EIF2AK3: variants seen among roughly 807,000 people sequenced by gnomAD.
The protein encoded by EIF2AK3 is eukaryotic translation initiation factor 2 alpha kinase 3.
Under a neutral mutation model 113.5 loss-of-function variants are expected in EIF2AK3, and 50 were observed. The ratio of observed to expected loss-of-function variants is 0.44; its 90% CI spans 0.35 to 0.56. The LOEUF is 0.56. Ranked by LOEUF, EIF2AK3 falls within the 20% of genes least tolerant of loss-of-function variation. EIF2AK3 has a pLI of 0.00. For missense variants in EIF2AK3, 1,185 were observed against 1,378.0 expected, an observed-to-expected ratio of 0.86 and a Z score of 2.22; for synonymous variants, 448 against 495.4, an observed-to-expected ratio of 0.90 and a Z score of 1.27.
intron 2 of EIF2AK3, among the ~76,000 whole-genome samples, chr2:88,601,861 T>TA (rs1277167218): frequency 6.7e-5 from 10 of 148,324 alleles, no homozygotes; most frequent in African/African-American, 2.3e-4. Context: ...TTTTTGCTTT[T>TA]CTTTTTTTGA....
At chr2:88,561,325 G>C (rs188279217) in intron 15 of EIF2AK3, among the ~76,000 whole-genome samples, 15 of 150,848 alleles carry the variant, frequency 9.9e-5, no homozygotes, top group Middle Eastern at 3.4e-3. Context: ...GCAGTGGCGC[G>C]ATCTCTGCTC....
intron 1 of EIF2AK3, among the ~76,000 whole-genome samples, chr2:88,620,617 T>G (rs780721101): frequency 1.3e-5 from 2 of 152,268 alleles, no homozygotes; most frequent in Non-Finnish European, 2.9e-5. Flanking sequence ...GTAGGGGTCC[T>G]GGAGCCCTGG....
upstream of EIF2AK3, chr2:88,627,877 G>A (rs1675917129): frequency 6.6e-6 from 1 of 152,048 alleles, no homozygotes; most frequent in East Asian, 1.9e-4. Flanking sequence ...CTACGTGGCG[G>A]ATTCTGACTG....
rs566226789 is a variant in EIF2AK3, at chr2:88,575,175, C to G, written c.2308G>C (p.Asp770His). Residue 770 changes from aspartate (D) to histidine (H), a missense_variant, in exon 13 of 17, where the codon GAT becomes CAT. Transcript: ENST00000303236. ...CCATCCATAGTCCCATCTTCCACAT[C>G]ACAGTCTGTAAGGCAACTGTCCTGG... Reference protein sequence around the residue: ...NLQDSCLTDCDVEDGTMDGND... With the variant: ...NLQDSCLTDCHVEDGTMDGND... The G allele has an allele frequency of 9.3e-6, 15 of 1,613,686 alleles. No individual in the cohort carries two copies. The East Asian group carries it at 2.9e-4, about 31-fold the overall frequency.
At chr2:88,590,711 C>T (rs935691890) in intron 5 of EIF2AK3, 106 bp from the exon 6 acceptor site, 1 of 1,567,438 alleles carries the variant, frequency 6.4e-7, no homozygotes, top group African/African-American at 1.4e-5. Context: ...GCACAGAGAA[C>T]AAGCTGAGAG....
chr2:88,587,039 T>C lies in EIF2AK3; in HGVS notation c.1429+943A>G, dbSNP rs375020684. ...GGCCAATATGGTGAAACCCCGTCTCTACTAAAAATACAAAAATTAGCTGGG... is the reference window on the plus strand; with the variant it reads ...GGCCAATATGGTGAAACCCCGTCTCCACTAAAAATACAAAAATTAGCTGGG... On this transcript the variant is annotated intron_variant, in intron 8 of 16. Transcript: ENST00000303236. Among the ~76,000 whole-genome samples, 40 of 150,920 alleles carry C rather than the reference T, an allele frequency of 2.7e-4. No individual in the cohort carries two copies. In the South Asian group the frequency reaches 7.1e-3, roughly 27 times the overall value.
In EIF2AK3 at chr2:88,598,283, C is replaced by T. The variant is rs145137521; in HGVS notation, c.439-2620G>A. Among the ~76,000 whole-genome samples, 31 of 152,268 alleles carry T rather than the reference C, an allele frequency of 2.0e-4. No homozygotes were observed. The East Asian group carries it at 6.0e-3, about 29-fold the overall frequency. ...TACCAGAGTCAGCAATGGTGCTAAA[C>T]TGAGGTGGAAACTTTGATGAAGAAC... On this transcript the variant is annotated intron_variant, in intron 2 of 16. Coordinates refer to ENST00000303236, the MANE Select transcript of EIF2AK3 (RefSeq NM_004836.7).
intron 14 of EIF2AK3, among the ~76,000 whole-genome samples, chr2:88,565,849 A>G (rs540700413): frequency 6.6e-6 from 1 of 152,052 alleles, no homozygotes; most frequent in South Asian, 2.1e-4. Flanking sequence ...TCCTTTCACC[A>G]CCCCTTGGCC....
chr2:88,601,257 G>A (rs951477286), intron 2 of EIF2AK3, among the ~76,000 whole-genome samples: 5 of 152,214 alleles, frequency 3.3e-5, no homozygotes, highest in African/African-American at 1.2e-4. Context: ...ATGTCCCACA[G>A]TCAGGATTCT....
chr2:88,598,896 T>C (rs142134119), intron 2 of EIF2AK3, among the ~76,000 whole-genome samples: 27 of 152,240 alleles, frequency 1.8e-4, no homozygotes, highest in African/African-American at 6.5e-4. Context: ...TCCTCAAATA[T>C]TTCAAGAAAA....
intron 1 of EIF2AK3, among the ~76,000 whole-genome samples, chr2:88,622,784 T>A (rs920225158): frequency 7.2e-5 from 11 of 152,150 alleles, no homozygotes; most frequent in African/African-American, 2.7e-4. Flanking sequence ...AGGGTCCTAG[T>A]AGTTAAAAAA....
chr2:88,608,145 C>G (rs1675335590), intron 2 of EIF2AK3, among the ~76,000 whole-genome samples: 1 of 152,162 alleles, frequency 6.6e-6, no homozygotes, highest in African/African-American at 2.4e-5. Context: ...ATTATACAGT[C>G]TATCAAATCC....
chr2:88,626,923 G>A (rs776957675), intron 1 of EIF2AK3, 44 bp downstream of exon 1: 7 of 1,597,896 alleles, frequency 4.4e-6, no homozygotes, highest in Non-Finnish European at 6.0e-6. Flanking sequence ...TCCGCGGCTC[G>A]CGCGCGTAAA....
At position 88,575,410 on chromosome 2, in the gene EIF2AK3, A is replaced by G. The variant is rs747687191; in HGVS notation, c.2073T>C (p.Asp691=). The change falls in exon 13 of 17, where the codon GAT becomes GAC. Residue 691 remains aspartate, a synonymous_variant. Transcript: ENST00000303236. ...DWPLSSPSPM[D]APSVKIRRMD... is the part of the protein sequence containing the mutation. ...TTCTGCGTATTTTAACTGATGGTGC[A>G]TCCATTGGGCTAGGAGAGCTGAGTG... 7 of 1,611,292 alleles carry G rather than the reference A, an allele frequency of 4.3e-6. No individual in the cohort carries two copies. Among genetic ancestry groups the G allele is most frequent in the Admixed American group, 3.3e-5 (2 of 60,014 alleles).
intron 14 of EIF2AK3, 139 bp from the exon 15 acceptor site, chr2:88,562,529 G>A: frequency 1.4e-6 from 1 of 718,828 alleles, no homozygotes; most frequent in Non-Finnish European, 2.4e-6. Context: ...TTAGCAAAGA[G>A]TTAATCTCCC....
Position 88,610,011 on chromosome 2 carries a change from A to G in EIF2AK3, c.438+3713T>C, listed in dbSNP as rs554795251. 8.1e-5 allele frequency among the ~76,000 whole-genome samples: 12 copies of G among 148,348 alleles called. No homozygotes were observed. In the East Asian group the frequency reaches 2.4e-3, roughly 30 times the overall value. On this transcript the variant is annotated intron_variant, in intron 2 of 16. Coordinates refer to ENST00000303236, the MANE Select transcript of EIF2AK3 (RefSeq NM_004836.7). ...GTGGCAAGCGCCTATAGTCTTAGCC[A>G]CTTAGGAGGCTGAGGTGGAAGGACT...
intron 8 of EIF2AK3, among the ~76,000 whole-genome samples, chr2:88,587,662 G>A (rs1204465237): frequency 1.3e-5 from 2 of 152,190 alleles, no homozygotes; most frequent in Non-Finnish European, 2.9e-5. Flanking sequence ...TGCCACGTAT[G>A]ATGTTAACTG....
intron 2 of EIF2AK3, among the ~76,000 whole-genome samples, chr2:88,603,324 G>T (rs1015261144): frequency 1.3e-5 from 2 of 152,084 alleles, no homozygotes; most frequent in East Asian, 3.9e-4. Flanking sequence ...ATTCCTTTTT[G>T]GTCTTCAACC....
chr2:88,579,376 T>TGGCAGCA, intron 11 of EIF2AK3, 142 bp downstream of exon 11: 1 of 1,092,446 alleles, frequency 9.2e-7, no homozygotes, highest in Non-Finnish European at 1.3e-6. Flanking sequence ...GCTGGTTAAT[T>TGGCAGCA]GGCAGCACTT....
Sources: gnomAD v4.1 joint callset for allele counts (sites outside exome capture counted in the v4.1 genomes callset) on GRCh38, gnomAD v4.1.1 for gene constraint, MANE v1.5 for transcripts, NCBI Gene and HGNC (gene_info 2026-07-23, HGNC 2026-07-21) for gene names.